The following PDE4D variants were observed in gnomAD, a reference collection of about 807,000 sequenced individuals.
PDE4D encodes phosphodiesterase 4D.
PDE4D carries 24 observed loss-of-function variants against 87.4 expected under a neutral mutation model. That is an observed-to-expected ratio of 0.27 (90% CI 0.20 to 0.39). PDE4D has a LOEUF of 0.39. Among genes scored for constraint, PDE4D ranks in the 10% least tolerant of loss-of-function variants. The pLI is 1.00. For missense variants in PDE4D, 714 were observed against 1,041.0 expected (o/e 0.69, Z 4.32); for synonymous variants, 384 against 383.2 (o/e 1.00, Z -0.02).
intron 1 of PDE4D, among the ~76,000 whole-genome samples, chr5:59,329,517 G>A (rs542307523): frequency 7.2e-5 from 11 of 152,186 alleles, no homozygotes; most frequent in Admixed American, 6.5e-4. Context: ...TACATTATAA[G>A]AGAATATGCT....
chr5:59,845,234 A>C (rs1743655106), intron 1 of PDE4D, among the ~76,000 whole-genome samples: 1 of 152,070 alleles, frequency 6.6e-6, no homozygotes, highest in Non-Finnish European at 1.5e-5. Context: ...TAAGCCACTG[A>C]GTTAGTGGTA....
chr5:59,390,241 C>T (rs981437816), intron 1 of PDE4D, among the ~76,000 whole-genome samples: 9 of 151,970 alleles, frequency 5.9e-5, no homozygotes, highest in Admixed American at 3.3e-4. Flanking sequence ...ACTCACTTGC[C>T]CACAAGATGG....
intron 1 of PDE4D, among the ~76,000 whole-genome samples, chr5:59,877,481 A>C (rs1748770657): frequency 5.0e-5 from 2 of 39,664 alleles, no homozygotes; most frequent in South Asian, 1.0e-3. Flanking sequence ...CCAGAACCTA[A>C]AAAAAAAAAA....
chr5:60,239,674 G>A (rs950507526), intron 1 of PDE4D, among the ~76,000 whole-genome samples: 8 of 151,852 alleles, frequency 5.3e-5, no homozygotes, highest in African/African-American at 1.9e-4. Flanking sequence ...ATTACTACAT[G>A]TTTCTAATTT....
chr5:59,275,890 G>A (rs992002799), intron 1 of PDE4D: 3 of 985,330 alleles, frequency 3.0e-6, no homozygotes, highest in African/African-American at 3.5e-5. Context: ...GGCAAGCACA[G>A]GAAAACACTC....
intron 1 of PDE4D, among the ~76,000 whole-genome samples, chr5:60,284,665 A>G (rs1752249710): frequency 6.6e-6 from 1 of 152,200 alleles, no homozygotes; most frequent in Admixed American, 6.5e-5. Context: ...ATACTCAAAT[A>G]GTGAGAATCT....
intron 6 of PDE4D, among the ~76,000 whole-genome samples, chr5:59,026,217 T>G (rs11948356): frequency 0.11 from 16,014 of 152,220 alleles, 1,316 homozygotes; most frequent in East Asian, 0.47. Context: ...CTACAAACTT[T>G]TAATTTAAAC....
chr5:59,655,674 G>C (rs1316973944), intron 1 of PDE4D, among the ~76,000 whole-genome samples: 1 of 152,096 alleles, frequency 6.6e-6, no homozygotes, highest in African/African-American at 2.4e-5. Context: ...TGTCTCTGTT[G>C]ATAAGTGGAA....
intron 1 of PDE4D, among the ~76,000 whole-genome samples, chr5:59,827,132 T>C (rs537440681): frequency 6.6e-6 from 1 of 152,214 alleles, no homozygotes; most frequent in African/African-American, 2.4e-5. Flanking sequence ...TAGTCATTTT[T>C]TGCTAAGACA....
chr5:60,040,329 A>G (rs1038355755), intron 2 of PDE4D, among the ~76,000 whole-genome samples: 10 of 152,222 alleles, frequency 6.6e-5, no homozygotes, highest in African/African-American at 2.2e-4. Context: ...CTTTTCTAGT[A>G]GAGTGGGATG....
At chr5:60,057,680 T>C (rs1462534935) in intron 2 of PDE4D, among the ~76,000 whole-genome samples, 1 of 152,082 alleles carries the variant, frequency 6.6e-6, no homozygotes, top group South Asian at 2.1e-4. Flanking sequence ...AATATCGAGA[T>C]AAATAACTAA....
Position 58,974,556 on chromosome 5 carries a change from G to A in PDE4D, c.*108C>T, listed in dbSNP as rs544400405. On this transcript the variant is annotated 3_prime_UTR_variant, in exon 15 of 15. Transcript: ENST00000340635. ...TCAAGGTCAGTTTTGTTCAACAAAC[G>A]TCCTGGCAGATGACAGTGAGGTGTG... 2.1e-5 allele frequency: 22 copies of A among 1,070,008 alleles called. No homozygotes were observed. The highest frequency in any genetic ancestry group is 1.7e-4 in the East Asian group (7 of 41,766). The allele number at this position is 1,070,008 out of a possible 1,614,324, so 66.3% of individuals were successfully genotyped here. A position where few individuals can be genotyped will look rare whatever the true frequency, so the allele number is the denominator to read the frequency against.
rs1190090934 is a variant in PDE4D at position 58,971,238 on chromosome 5, A to T, written c.*3426T>A. 2.0e-5 allele frequency: 3 copies of T among 152,404 alleles called. No homozygotes were observed. Among genetic ancestry groups the T allele is most frequent in the Non-Finnish European group, 4.4e-5 (3 of 68,030 alleles). 9.4% of individuals were successfully genotyped at this position (152,404 alleles called of 1,614,324 possible). ...CAAAGACCTGCAGCTATGTTTTTTT[A>T]AATTTATATATCTTTAAGTATTTTA... On this transcript the variant is annotated 3_prime_UTR_variant, in exon 15 of 15. Coordinates refer to ENST00000340635, the MANE Select transcript of PDE4D (RefSeq NM_001104631.2).
chr5:59,106,950 A>G (rs1468844775), intron 5 of PDE4D, among the ~76,000 whole-genome samples: 1 of 152,224 alleles, frequency 6.6e-6, no homozygotes. Context: ...ATAGTTTTGA[A>G]TATCCCACCA....
intron 1 of PDE4D, among the ~76,000 whole-genome samples, chr5:59,666,333 G>C (rs942293277): frequency 2.6e-5 from 4 of 152,122 alleles, no homozygotes; most frequent in African/African-American, 9.7e-5. Context: ...TACTATCAGT[G>C]CCAAAAAGAC....
chr5:59,465,203 C>A (rs1801395857), intron 1 of PDE4D, among the ~76,000 whole-genome samples: 1 of 152,200 alleles, frequency 6.6e-6, no homozygotes, highest in Non-Finnish European at 1.5e-5. Flanking sequence ...GTAAACCGTA[C>A]TGTCCATTCA....
chr5:59,955,036 A>T (rs1315360560), intron 3 of PDE4D, among the ~76,000 whole-genome samples: 2 of 152,198 alleles, frequency 1.3e-5, no homozygotes, highest in Non-Finnish European at 2.9e-5. Context: ...AAGAAAATGT[A>T]TTAGAGTGAT....
At chr5:59,992,718 T>G (rs1275968057) in intron 2 of PDE4D, among the ~76,000 whole-genome samples, 3 of 152,086 alleles carry the variant, frequency 2.0e-5, no homozygotes, top group Non-Finnish European at 4.4e-5. Flanking sequence ...AGACGTAACT[T>G]TTTTGAGATA....
At chr5:59,237,861 G>A (rs1441135711) in intron 1 of PDE4D, among the ~76,000 whole-genome samples, 2 of 151,838 alleles carry the variant, frequency 1.3e-5, no homozygotes, top group African/African-American at 2.4e-5. Context: ...CCTCACCAGT[G>A]TGTGCACAGA....
Sources: gnomAD v4.1 joint callset for allele counts (sites outside exome capture counted in the v4.1 genomes callset) on GRCh38, gnomAD v4.1.1 for gene constraint, MANE v1.5 for transcripts, NCBI Gene and HGNC (gene_info 2026-07-23, HGNC 2026-07-21) for gene names.